CEP63: variants seen among roughly 807,000 people sequenced by gnomAD.
The protein encoded by CEP63 is centrosomal protein 63.
CEP63 carries 84 observed loss-of-function variants against 89.1 expected under a neutral mutation model. The observed-to-expected ratio is 0.94, with a 90% CI of 0.79 to 1.13. CEP63 has a LOEUF of 1.13. CEP63 is among the 50% of genes most tolerant of loss of function. CEP63 has a pLI of 0.00. For missense variants in CEP63, 838 were observed against 813.3 expected (o/e 1.03, Z -0.37); for synonymous variants, 267 against 272.5 (o/e 0.98, Z 0.20).
intron 10 of CEP63, among the ~76,000 whole-genome samples, chr3:134,586,811 G>A (rs985034767): frequency 6.6e-6 from 1 of 152,046 alleles, no homozygotes; most frequent in Admixed American, 6.5e-5. Flanking sequence ...CATTCTCCTC[G>A]TCACTTTCAG....
chr3:134,560,627 G>GT (rs1250372475), intron 14 of CEP63, among the ~76,000 whole-genome samples: 1 of 152,154 alleles, frequency 6.6e-6, no homozygotes, highest in African/African-American at 2.4e-5. Context: ...CCTCAGGAGA[G>GT]TTACCACTTC....
chr3:134,661,254 G>A, the CEP63 span, among the ~76,000 whole-genome samples: 13 of 152,034 alleles, frequency 8.6e-5, no homozygotes, highest in Admixed American at 3.3e-4. Flanking sequence ...CCATCTATCC[G>A]ATCCATCCCA....
intron 11 of CEP63, among the ~76,000 whole-genome samples, chr3:134,573,209 A>G (rs1958084893): frequency 6.6e-6 from 1 of 151,666 alleles, no homozygotes; most frequent in Middle Eastern, 3.4e-3. Flanking sequence ...CATTTTGTTT[A>G]CTCTGTAGAA....
At chr3:134,691,364 C>T in the CEP63 span, among the ~76,000 whole-genome samples, 1 of 142,236 alleles carries the variant, frequency 7.0e-6, no homozygotes, top group African/African-American at 2.7e-5. Flanking sequence ...TCTGTAATCC[C>T]AGCACTTTAG....
At chr3:134,513,506 C>T (rs768611566) in intron 3 of CEP63, among the ~76,000 whole-genome samples, 7 of 152,074 alleles carry the variant, frequency 4.6e-5, no homozygotes, top group Non-Finnish European at 7.4e-5. Context: ...AAGTAAAATG[C>T]TATCAGGATG....
chr3:134,507,306 C>A lies in CEP63; in HGVS notation c.222+20C>A. The A allele has an allele frequency of 6.3e-7, 1 of 1,576,670 alleles. No homozygotes were observed. The highest frequency in any genetic ancestry group is 1.1e-5 in the South Asian group (1 of 89,340). ...AAGGAGGTAAAGCAATTTATTTGTT[C>A]TTCTTTTTGACATTTTTATCTTGTC... On this transcript the variant is annotated intron_variant, in intron 3 of 14. Coordinates refer to ENST00000675561, the MANE Select transcript of CEP63 (RefSeq NM_001353108.3).
the CEP63 span, among the ~76,000 whole-genome samples, chr3:134,681,372 A>T: frequency 4.6e-5 from 7 of 152,190 alleles, no homozygotes; most frequent in Non-Finnish European, 1.0e-4. Flanking sequence ...CTGAAGGTCA[A>T]TTAAGGCAGA....
chr3:134,677,443 A>G, the CEP63 span, among the ~76,000 whole-genome samples: 1 of 152,208 alleles, frequency 6.6e-6, no homozygotes, highest in South Asian at 2.1e-4. Flanking sequence ...GGCCACATGC[A>G]GCAGGTGCAC....
At chr3:134,722,551 T>G in the CEP63 span, among the ~76,000 whole-genome samples, 17 of 152,268 alleles carry the variant, frequency 1.1e-4, 1 homozygote, top group East Asian at 3.3e-3. Context: ...TTTCTTTCAT[T>G]CATTTCCATT....
chr3:134,549,517 C>A (rs1954340003), intron 10 of CEP63, among the ~76,000 whole-genome samples: 1 of 152,016 alleles, frequency 6.6e-6, no homozygotes, highest in South Asian at 2.1e-4. Context: ...TTTCTTATTG[C>A]CTAAAGATAG....
chr3:134,545,798 G>A lies in CEP63; in HGVS notation c.768G>A (p.Arg256=). 1 of 1,613,094 alleles carries A rather than the reference G, an allele frequency of 6.2e-7. No individual in the cohort carries two copies. Among genetic ancestry groups the A allele is most frequent in the Admixed American group, 1.7e-5 (1 of 59,928 alleles). ...AGCAGCAAAAAGAAGAAAAATTGAG[G>A]GAATCTGAAAAACTATTAGAGGTAT... ...QEQQQKEEKL[R]ESEKLLEALQ... is the part of the protein sequence containing the mutation. Residue 256 remains arginine (R), a synonymous_variant, in exon 7 of 15, where the codon AGG becomes AGA. Transcript: ENST00000675561.
At chr3:134,495,501 G>T in intron 2 of CEP63, 137 bp downstream of exon 2, 2 of 628,280 alleles carry the variant, frequency 3.2e-6, no homozygotes, top group Non-Finnish European at 5.7e-6. Flanking sequence ...ATCAGCTCAA[G>T]CATTTATCAT....
chr3:134,654,613 A>G, the CEP63 span, among the ~76,000 whole-genome samples: 1,688 of 152,304 alleles, frequency 0.011, 18 homozygotes, highest in Non-Finnish European at 0.02. Context: ...CAGCCAGTGT[A>G]GGCTTCCCAT....
the CEP63 span, among the ~76,000 whole-genome samples, chr3:134,757,403 C>A: frequency 1.3e-5 from 2 of 152,194 alleles, no homozygotes; most frequent in Admixed American, 1.3e-4. Context: ...TAAATAATTT[C>A]ATGGTCAAAC....
chr3:134,597,669 C>T, the CEP63 span: 3 of 152,238 alleles, frequency 2.0e-5, no homozygotes, highest in Non-Finnish European at 2.9e-5. Context: ...CTGTACAGCT[C>T]CAGACTCTTC....
At chr3:134,746,402 A>G in the CEP63 span, among the ~76,000 whole-genome samples, 63 of 152,224 alleles carry the variant, frequency 4.1e-4, 1 homozygote, top group Admixed American at 3.9e-3. Context: ...GTGTCTTTAT[A>G]GTAGCATGAT....
intron 3 of CEP63, among the ~76,000 whole-genome samples, chr3:134,515,764 G>A (rs1173686463): frequency 3.9e-5 from 6 of 152,080 alleles, no homozygotes; most frequent in Admixed American, 3.9e-4. Context: ...AAGAAGAATT[G>A]TTTTGGGCCA....
chr3:134,660,887 A>C, the CEP63 span, among the ~76,000 whole-genome samples: 2 of 152,244 alleles, frequency 1.3e-5, no homozygotes, highest in Admixed American at 1.3e-4. Context: ...TGGGCTAGGA[A>C]GGGGCAAGTA....
At chr3:134,770,159 G>A in the CEP63 span, among the ~76,000 whole-genome samples, 37 of 152,374 alleles carry the variant, frequency 2.4e-4, no homozygotes, top group African/African-American at 8.7e-4. Context: ...CCCAGATTAT[G>A]GTTCTGAGAT....
Sources: gnomAD v4.1 joint callset for allele counts (sites outside exome capture counted in the v4.1 genomes callset) on GRCh38, gnomAD v4.1.1 for gene constraint, MANE v1.5 for transcripts, NCBI Gene and HGNC (gene_info 2026-07-23, HGNC 2026-07-21) for gene names.